The following CDH9 variants were observed in gnomAD, a reference collection of about 807,000 sequenced individuals.
The protein encoded by CDH9 is cadherin-9.
A neutral mutation model predicts 70.9 loss-of-function variants in CDH9; 28 were observed. That is an observed-to-expected ratio of 0.40 (90% CI 0.29 to 0.54). The LOEUF is 0.54. CDH9 is among the 20% of genes least tolerant of loss of function. The pLI is 0.59. For missense variants in CDH9, 874 were observed against 984.4 expected (o/e 0.89, Z 1.50); for synonymous variants, 409 against 343.1 (o/e 1.19, Z -2.12).
intron 1 of CDH9, among the ~76,000 whole-genome samples, chr5:27,031,111 A>C (rs2112135609): frequency 6.6e-6 from 1 of 151,848 alleles, no homozygotes; most frequent in South Asian, 2.1e-4. Flanking sequence ...GCTTAACATA[A>C]GCCAAAAACT....
At chr5:26,968,989 A>G (rs954593036) in intron 2 of CDH9, among the ~76,000 whole-genome samples, 2 of 152,196 alleles carry the variant, frequency 1.3e-5, no homozygotes, top group African/African-American at 4.8e-5. Context: ...CTATTAGCTG[A>G]CGTTTGCCCT....
At chr5:26,959,889 T>A (rs1742005660) in intron 2 of CDH9, among the ~76,000 whole-genome samples, 1 of 109,254 alleles carries the variant, frequency 9.2e-6, no homozygotes, top group African/African-American at 2.6e-5. Context: ...GCATGATTAT[T>A]TAATGTGTAT....
At chr5:27,035,826 C>T (rs1246181170) in intron 1 of CDH9, among the ~76,000 whole-genome samples, 1 of 151,082 alleles carries the variant, frequency 6.6e-6, no homozygotes, top group Non-Finnish European at 1.5e-5. Context: ...TTTAAATGTG[C>T]CTTTGAGTGA....
chr5:27,033,036 G>A (rs2112137507), intron 1 of CDH9, among the ~76,000 whole-genome samples: 1 of 150,960 alleles, frequency 6.6e-6, no homozygotes. Flanking sequence ...AGGTGTTCAA[G>A]AATTGTGAAC....
chr5:26,963,499 T>G (rs1488561654), intron 2 of CDH9, among the ~76,000 whole-genome samples: 1 of 152,178 alleles, frequency 6.6e-6, no homozygotes, highest in East Asian at 1.9e-4. Flanking sequence ...AGAACATTTT[T>G]TATAACTTAT....
chr5:26,941,003 A>G (rs1741653338), intron 2 of CDH9, among the ~76,000 whole-genome samples: 1 of 152,250 alleles, frequency 6.6e-6, no homozygotes, highest in African/African-American at 2.4e-5. Context: ...TGCTTAGCAC[A>G]GAGTAGGGGT....
At chr5:26,961,881 G>T (rs965717769) in intron 2 of CDH9, among the ~76,000 whole-genome samples, 2 of 152,000 alleles carry the variant, frequency 1.3e-5, no homozygotes, top group East Asian at 1.9e-4. Context: ...CAACGTGCAG[G>T]TTTCTTACAT....
At chr5:27,005,009 A>T (rs761472938) in intron 1 of CDH9, among the ~76,000 whole-genome samples, 1 of 152,154 alleles carries the variant, frequency 6.6e-6, no homozygotes, top group Non-Finnish European at 1.5e-5. Flanking sequence ...GTTTGAGCTT[A>T]TAAAATTTGA....
intron 2 of CDH9, among the ~76,000 whole-genome samples, chr5:26,924,053 C>T (rs1240447234): frequency 6.6e-6 from 1 of 151,574 alleles, no homozygotes; most frequent in Non-Finnish European, 1.5e-5. Flanking sequence ...AAGATCAGAA[C>T]AGAAATAAAT....
intron 2 of CDH9, among the ~76,000 whole-genome samples, chr5:26,930,600 C>T (rs766833045): frequency 1.4e-4 from 22 of 152,074 alleles, no homozygotes; most frequent in Non-Finnish European, 2.8e-4. Context: ...ATGCATAGAG[C>T]TGTGATGGAT....
chr5:26,926,924 C>CA (rs1554037352), intron 2 of CDH9, among the ~76,000 whole-genome samples: 2 of 147,772 alleles, frequency 1.4e-5, no homozygotes, highest in East Asian at 2.0e-4. Context: ...ACAGCCCCCC[C>CA]CCGCAAAAAA....
At chr5:26,912,005 G>A (rs1431387156) in intron 3 of CDH9, among the ~76,000 whole-genome samples, 1 of 151,814 alleles carries the variant, frequency 6.6e-6, no homozygotes, top group Non-Finnish European at 1.5e-5. Flanking sequence ...TGGAAATAAG[G>A]GGCAGATAAA....
chr5:27,007,650 A>G (rs1427603284), intron 1 of CDH9, among the ~76,000 whole-genome samples: 1 of 152,142 alleles, frequency 6.6e-6, no homozygotes, highest in Non-Finnish European at 1.5e-5. Flanking sequence ...ATTAAAATAG[A>G]CCTATGAAAT....
intron 1 of CDH9, among the ~76,000 whole-genome samples, chr5:27,008,489 C>A (rs1420969376): frequency 4.1e-5 from 6 of 146,956 alleles, no homozygotes; most frequent in Admixed American, 6.9e-5. Context: ...GACCCTCTTT[C>A]AAAAAAAAAA....
chr5:26,997,125 A>G (rs1454880790), intron 1 of CDH9, among the ~76,000 whole-genome samples: 1 of 152,196 alleles, frequency 6.6e-6, no homozygotes, highest in South Asian at 2.1e-4. Flanking sequence ...AATATATGAA[A>G]TGATAGAATA....
At chr5:26,978,494 T>C (rs1742341481) in intron 2 of CDH9, among the ~76,000 whole-genome samples, 1 of 151,812 alleles carries the variant, frequency 6.6e-6, no homozygotes, top group African/African-American at 2.4e-5. Context: ...TAACCAAAAA[T>C]AGTTTCCAAC....
chr5:26,900,723 A>G (rs1447244556), intron 7 of CDH9, among the ~76,000 whole-genome samples: 18 of 152,110 alleles, frequency 1.2e-4, no homozygotes, highest in Admixed American at 1.2e-3. Flanking sequence ...TACTTCTAAA[A>G]TGAATGTAGG....
intron 1 of CDH9, among the ~76,000 whole-genome samples, chr5:27,010,230 T>C (rs2112114405): frequency 6.6e-6 from 1 of 152,234 alleles, no homozygotes; most frequent in Non-Finnish European, 1.5e-5. Context: ...TATATCAATG[T>C]TTCCCTCCCC....
intron 5 of CDH9, 28 bp from the exon 6 acceptor site, chr5:26,903,852 C>T (rs773915222): frequency 1.1e-5 from 13 of 1,227,126 alleles, no homozygotes; most frequent in Non-Finnish European, 1.4e-5. Flanking sequence ...GCTGTTTTGA[C>T]ATTTCATCTT....
Sources: allele counts gnomAD v4.1 joint callset (sites outside exome capture counted in the v4.1 genomes callset), GRCh38; gene constraint gnomAD v4.1.1; transcripts MANE v1.5; gene names NCBI Gene and HGNC (gene_info 2026-07-23, HGNC 2026-07-21).